The following PLEC variants were observed in gnomAD, a reference collection of about 807,000 sequenced individuals.
PLEC encodes plectin, also known as hemidesmosomal protein 1.
Under a neutral mutation model 392.8 loss-of-function variants are expected in PLEC, and 216 were observed. That is an observed-to-expected ratio of 0.55 (90% CI 0.49 to 0.62). PLEC has a LOEUF of 0.62. PLEC is among the 20% of genes least tolerant of loss of function. The pLI, the probability that PLEC is intolerant of heterozygous loss-of-function variation, is 0.00. For synonymous variants in PLEC, 3,621 were observed against 2,980.6 expected (o/e 1.21, Z -7.00); for missense variants, 6,863 against 6,563.4 (o/e 1.05, Z -1.58).
chr8:143,927,759 C>A lies in PLEC; in HGVS notation c.3407G>T (p.Arg1136Leu). Reference protein sequence around the residue: ...EATKASLKKLRAQAEAQQPTF... With the variant: ...EATKASLKKLLAQAEAQQPTF... The stretch of plus-strand genomic sequence containing the variant: ...GGGCTGCTGTGCCTCGGCCTGGGCC[C>A]GCAGCTTCTGTTGGGGACAGGAGGG... The change falls in exon 27 of 32, where the codon CGG becomes CTG. Residue 1136 changes from arginine to leucine, a missense_variant. Arg to Leu is a moderately radical substitution (Grantham distance 102). Transcript: ENST00000345136. The A allele has an allele frequency of 6.2e-7, 1 of 1,600,228 alleles. No individual in the cohort carries two copies. The highest frequency in any genetic ancestry group is 8.5e-7 in the Non-Finnish European group (1 of 1,173,712).
At position 143,918,995 on chromosome 8, in the gene PLEC, T is replaced by A. The variant is rs781841745; in HGVS notation, c.10826A>T (p.Gln3609Leu). The change falls in exon 32 of 32, where the codon CAG becomes CTG. Residue 3609 changes from glutamine (Q) to leucine (L), a missense_variant. Gln to Leu is a moderately radical substitution (Grantham distance 113, BLOSUM62 -2). Transcript: ENST00000345136. Reference sequence around the variant, plus strand: ...GCGTTCCTTGGTCACCCGGCCGGCCTGGAAGTCAGCCATCAGCTGGGCCCG... The same window carrying A: ...GCGTTCCTTGGTCACCCGGCCGGCCAGGAAGTCAGCCATCAGCTGGGCCCG... ...EQRAQLMADF[Q>L]AGRVTKERMI... The A allele has an allele frequency of 1.2e-6, 2 of 1,611,216 alleles. No individual in the cohort carries two copies. The highest frequency in any genetic ancestry group is 1.7e-6 in the Non-Finnish European group (2 of 1,179,994).
At chr8:143,930,649 G>T in intron 19 of PLEC, 113 bp from the exon 20 acceptor site, 1 of 1,132,152 alleles carries the variant, frequency 8.8e-7, no homozygotes, top group Non-Finnish European at 1.3e-6. Flanking sequence ...CTCCCGGGGT[G>T]GCAGCACTTG....
upstream of PLEC, chr8:143,939,623 C>A (rs1830041396): frequency 1.4e-5 from 20 of 1,445,070 alleles, no homozygotes; most frequent in South Asian, 2.8e-4. Flanking sequence ...TCCCTGCCTG[C>A]TGTACTCCCC....
chr8:143,944,047 C>T, upstream of PLEC: 1 of 1,114,094 alleles, frequency 9.0e-7, no homozygotes, highest in East Asian at 2.6e-5. Context: ...GGCGGCAGCC[C>T]CACAACAGCT....
rs782771064 is a variant in PLEC, at chr8:143,938,169, G to A, written c.246C>T (p.Val82=). Reference sequence around the variant, plus strand: ...CACGTACCAGGCTGTCCCCCGAGAGGACCTCCAGCAGGGAGATGAGGTTGT... The same window carrying A: ...CACGTACCAGGCTGTCCCCCGAGAGAACCTCCAGCAGGGAGATGAGGTTGT... ...DGHNLISLLE[V]LSGDSLPREK... The change falls in exon 3 of 32, where the codon GTC becomes GTT. Residue 82 remains valine (V), a synonymous_variant. Transcript: ENST00000345136. 3 of 1,607,294 alleles carry A rather than the reference G, an allele frequency of 1.9e-6. No homozygotes were observed. The highest frequency in any genetic ancestry group is 2.7e-5 in the African/African-American group (2 of 74,930).
rs538370809 is a variant in PLEC, at chr8:143,938,202, G to A, written c.213C>T (p.Arg71=). The A allele has an allele frequency of 1.9e-5, 31 of 1,608,188 alleles. No individual in the cohort carries two copies. Among genetic ancestry groups the A allele is most frequent in the African/African-American group, 9.4e-5 (7 of 74,794 alleles). Residue 71 remains arginine, a synonymous_variant, in exon 3 of 32, where the codon CGC becomes CGT. Coordinates refer to ENST00000345136, the MANE Select transcript of PLEC (RefSeq NM_201384.3). ...GCAGGGAGATGAGGTTGTGGCCATC[G>A]CGGAGGTCTTCATACAGGTCACTGA... ...RHISDLYEDL[R]DGHNLISLLE...
chr8:143,933,023 C>G lies in PLEC; in HGVS notation c.1507G>C (p.Val503Leu), dbSNP rs868935501. 11 of 1,601,532 alleles carry G rather than the reference C, an allele frequency of 6.9e-6. 1 individual carries two copies. In the Middle Eastern group the frequency reaches 1.9e-3, roughly 282 times the overall value. ...ACACTCTGCAGAGTCACCTGGGCCA[C>G]CTGGGTTGCAGGGGCCGCCACGCCT... ...KAGVAAPATQVAQVTLQSVQR... is the reference protein window; with the variant it reads ...KAGVAAPATQLAQVTLQSVQR... Residue 503 changes from valine (V) to leucine (L), a missense_variant, in exon 14 of 32, where the codon GTG becomes CTG. Val to Leu is a conservative substitution (Grantham distance 32, BLOSUM62 1). Transcript: ENST00000345136.
At chr8:143,953,716 A>G, upstream of PLEC, 1 of 1,610,176 alleles carries the variant, frequency 6.2e-7, no homozygotes, top group Non-Finnish European at 8.5e-7. Context: ...GCCCGGCCCC[A>G]GGACCGCACC....
chr8:143,916,072 A>T lies in PLEC; in HGVS notation c.*105T>A. The T allele has an allele frequency of 1.4e-6, 1 of 711,964 alleles. No individual in the cohort carries two copies. Among genetic ancestry groups the T allele is most frequent in the South Asian group, 2.0e-5 (1 of 50,946 alleles). 44.1% of individuals were successfully genotyped at this position (711,964 alleles called of 1,614,324 possible). The stretch of plus-strand genomic sequence containing the variant: ...AGTCTGGTCTTTTTGGTTAAACTTT[A>T]GGCACCACTTGGGAGGAAGACACCT... On this transcript the variant is annotated 3_prime_UTR_variant, in exon 32 of 32. Coordinates refer to ENST00000345136, the MANE Select transcript of PLEC (RefSeq NM_201384.3).
upstream of PLEC, chr8:143,943,814 C>T: frequency 6.2e-7 from 1 of 1,612,394 alleles, no homozygotes. Context: ...TCCCCTGCGC[C>T]AGTGCCACAC....
At chr8:143,950,179 C>A in intron 1 of PLEC, 1 of 1,511,352 alleles carries the variant, frequency 6.6e-7, no homozygotes, top group Admixed American at 2.2e-5. Flanking sequence ...CAGGGTGCAG[C>A]TGACCTGTGG....
rs781948998 is a variant in PLEC at position 143,922,266 on chromosome 8, G to T, written c.7555C>A (p.Leu2519Ile). Residue 2519 changes from leucine (L) to isoleucine (I), a missense_variant, in exon 32 of 32, where the codon CTC (leucine) becomes ATC (isoleucine). Coordinates refer to ENST00000345136, the MANE Select transcript of PLEC (RefSeq NM_201384.3). ...IEQEKAKLEQ[L>I]FQDEVAKAQQ... ...GCCTTGGCCACCTCGTCCTGGAAGA[G>T]CTGCTCCAGCTTGGCCTTCTCCTGC... is the stretch of plus-strand genomic sequence containing the variant. The T allele has an allele frequency of 6.2e-7, 1 of 1,601,956 alleles. No individual in the cohort carries two copies. The highest frequency in any genetic ancestry group is 8.5e-7 in the Non-Finnish European group (1 of 1,177,110).
At position 143,921,225 on chromosome 8, in the gene PLEC, G is replaced by A; in HGVS notation, c.8596C>T (p.Gln2866Ter). 1 of 1,614,134 alleles carries A rather than the reference G, an allele frequency of 6.2e-7. No homozygotes were observed. Among genetic ancestry groups the A allele is most frequent in the Non-Finnish European group, 8.5e-7 (1 of 1,180,052 alleles). Residue 2866 changes from glutamine (Q) to a stop codon, truncating the protein, a stop_gained, in exon 32 of 32, where the codon CAG becomes TAG. Transcript: ENST00000345136. LOFTEE classifies it high-confidence loss of function. The part of the protein sequence containing the change: ...PNTHENLTYL[Q>*]LLERCVEDPE... ...TCCTCCACGCAGCGCTCCAGTAGCT[G>A]CAGGTACGTGAGGTTCTCGTGCGTG... is the stretch of plus-strand genomic sequence containing the variant.
In PLEC at chr8:143,922,814, C is replaced by T. The variant is rs782785581; in HGVS notation, c.7115G>A (p.Arg2372Gln). The T allele has an allele frequency of 3.9e-5, 62 of 1,586,388 alleles. No individual in the cohort carries two copies. Among genetic ancestry groups the T allele is most frequent in the African/African-American group, 1.1e-4 (8 of 74,348 alleles). ...QGFQRTLEAE[R>Q]QRQLEMSAEA... ...AGCGCTCATCTCCAGCTGCCGCTGC[C>T]GCTCGGCCTCCAGCGTCCGCTGGAA... Residue 2372 changes from arginine to glutamine, a missense_variant, in exon 31 of 32, where the codon CGG becomes CAG. By Grantham distance (43) the Arg-to-Gln change is conservative. Coordinates refer to ENST00000345136, the MANE Select transcript of PLEC (RefSeq NM_201384.3).
chr8:143,973,370 C>T lies in PLEC; in HGVS notation c.70+33G>A, dbSNP rs369297555. 1 of 1,552,674 alleles carries T rather than the reference C, an allele frequency of 6.4e-7. No individual in the cohort carries two copies. The highest frequency in any genetic ancestry group is 8.7e-7 in the Non-Finnish European group (1 of 1,148,784). ...TGCTCGGCGGCTGGGCTGTCAGGAG[C>T]GGCCCGACAGGCAGCGGGACGGGGG... is the stretch of plus-strand genomic sequence containing the variant. On this transcript the variant is annotated intron_variant, in intron 1 of 31. Coordinates refer to the PLEC transcript ENST00000356346. This position sits in a 1 kb window ranked among gnomAD's most constrained non-coding sequence, Gnocchi z 5.6.
chr8:143,930,677 T>A, intron 19 of PLEC, 141 bp from the exon 20 acceptor site: 1 of 875,342 alleles, frequency 1.1e-6, no homozygotes, highest in Non-Finnish European at 1.8e-6. Context: ...GAGGTATAGC[T>A]GGGACAGGCC....
rs1365128764 is a variant in PLEC, at chr8:143,972,013, G to C, written c.70+1390C>G. Reference sequence around the variant, plus strand: ...GGAGGTAGAGGAAAGACAGCCCTGGGGCCAGGAAAGCCTCAGCACAATGCC... The same window carrying C: ...GGAGGTAGAGGAAAGACAGCCCTGGCGCCAGGAAAGCCTCAGCACAATGCC... On this transcript the variant is annotated intron_variant, in intron 1 of 31. Transcript: ENST00000356346. Among the ~76,000 whole-genome samples, 3 of 152,266 alleles carry C rather than the reference G, an allele frequency of 2.0e-5. No individual in the cohort carries two copies. In the South Asian group the frequency reaches 6.2e-4, roughly 32 times the overall value.
Position 143,927,751 on chromosome 8 carries a change from C to T in PLEC, c.3415G>A (p.Ala1139Thr), listed in dbSNP as rs781876431. 1 of 1,599,822 alleles carries T rather than the reference C, an allele frequency of 6.3e-7. No individual in the cohort carries two copies. The change falls in exon 27 of 32, where the codon GCC becomes ACC. Residue 1139 changes from alanine to threonine, a missense_variant. Physicochemically the swap from Ala to Thr is moderately conservative, Grantham distance 58. Coordinates refer to ENST00000345136, the MANE Select transcript of PLEC (RefSeq NM_201384.3). ...TCGAACGTGGGCTGCTGTGCCTCGG[C>T]CTGGGCCCGCAGCTTCTGTTGGGGA... ...KASLKKLRAQ[A>T]EAQQPTFDAL... is the part of the protein sequence containing the mutation.
chr8:143,942,087 C>T (rs1830563315), upstream of PLEC, among the ~76,000 whole-genome samples: 1 of 152,108 alleles, frequency 6.6e-6, no homozygotes, highest in Non-Finnish European at 1.5e-5. Context: ...CACCTCCTCC[C>T]TCCCCCGTGT....
Sources: allele counts gnomAD v4.1 joint callset (sites outside exome capture counted in the v4.1 genomes callset), GRCh38; gene constraint gnomAD v4.1.1; non-coding constraint Gnocchi (gnomAD v3.1); transcripts MANE v1.5; gene names NCBI Gene and HGNC (gene_info 2026-07-23, HGNC 2026-07-21).